Variants in ACSL3 observed in about 807,000 individuals in gnomAD.
The protein encoded by ACSL3 is fatty acid CoA ligase Acsl3.
Under a neutral mutation model 84.7 loss-of-function variants are expected in ACSL3, and 34 were observed. That is an observed-to-expected ratio of 0.40 (90% CI 0.31 to 0.53). The LOEUF is 0.53. Among genes scored for constraint, ACSL3 ranks in the 20% least tolerant of loss-of-function variants. The pLI, the probability that ACSL3 is intolerant of heterozygous loss-of-function variation, is 0.48. For synonymous variants in ACSL3, 315 were observed against 299.4 expected, an observed-to-expected ratio of 1.05 and a Z score of -0.54; for missense variants, 680 against 873.1, an observed-to-expected ratio of 0.78 and a Z score of 2.79.
intron 1 of ACSL3, among the ~76,000 whole-genome samples, chr2:222,880,074 C>G (rs1269785468): frequency 6.6e-6 from 1 of 152,078 alleles, no homozygotes; most frequent in Non-Finnish European, 1.5e-5. Flanking sequence ...ACCTGCTGAT[C>G]TGTGATGTCA....
intron 16 of ACSL3, among the ~76,000 whole-genome samples, chr2:222,935,560 A>T (rs1697150226): frequency 6.6e-6 from 1 of 152,128 alleles, no homozygotes; most frequent in African/African-American, 2.4e-5. Context: ...GATTCCACAC[A>T]GTCTTTTAAG....
chr2:222,886,760 T>C (rs1462936903), intron 1 of ACSL3, among the ~76,000 whole-genome samples: 1 of 152,226 alleles, frequency 6.6e-6, no homozygotes, highest in African/African-American at 2.4e-5. Flanking sequence ...TAATAGAGTT[T>C]ATTTTTTAGA....
In ACSL3 at chr2:222,934,512, A is replaced by T. The variant is rs755080420; in HGVS notation, c.1848-18A>T. ...TTCACCATTTTGTTCCTTATCTGTT[A>T]TCCTTTCTATATTTCAGTTATCATT... On this transcript the variant is annotated intron_variant, in intron 15 of 16. Transcript: ENST00000357430. The T allele has an allele frequency of 1.6e-5, 24 of 1,521,198 alleles. 1 individual carries two copies. In the South Asian group the frequency reaches 3.2e-4, roughly 20 times the overall value. 94.2% of individuals were successfully genotyped at this position (1,521,198 alleles called of 1,614,324 possible).
intron 5 of ACSL3, chr2:222,917,760 C>G (rs1014092997): frequency 3.4e-5 from 7 of 203,024 alleles, no homozygotes; most frequent in Admixed American, 5.9e-5. Flanking sequence ...GTTATAATTC[C>G]TTCACAATGT....
At chr2:222,867,123 A>G (rs1164604625) in intron 1 of ACSL3, among the ~76,000 whole-genome samples, 4 of 151,992 alleles carry the variant, frequency 2.6e-5, no homozygotes, top group African/African-American at 7.2e-5. Flanking sequence ...GTGAACCACC[A>G]TGCCCGGCCT....
chr2:222,937,546 A>G (rs914972324), intron 16 of ACSL3, among the ~76,000 whole-genome samples: 3 of 152,134 alleles, frequency 2.0e-5, no homozygotes, highest in Non-Finnish European at 4.4e-5. Flanking sequence ...TTTTATCATT[A>G]TATTGTAATT....
rs532032362 is a variant in ACSL3 at position 222,924,712 on chromosome 2, A to G, written c.1292+117A>G. ...AGAAAGAAATATATTTCATAAAGTC[A>G]AGAGAACTCTTTAAAAAAAATCCAT... is the stretch of plus-strand genomic sequence containing the variant. On this transcript the variant is annotated intron_variant, in intron 11 of 16. Transcript: ENST00000357430. The G allele has an allele frequency of 4.2e-6, 5 of 1,196,042 alleles. No homozygotes were observed. In the South Asian group the frequency reaches 6.7e-5, roughly 16 times the overall value. The allele number at this position is 1,196,042 out of a possible 1,614,324, so 74.1% of individuals were successfully genotyped here. A position where few individuals can be genotyped will look rare whatever the true frequency, so the allele number is the denominator to read the frequency against.
At chr2:222,877,088 C>A (rs966006169) in intron 1 of ACSL3, among the ~76,000 whole-genome samples, 1 of 152,020 alleles carries the variant, frequency 6.6e-6, no homozygotes, top group African/African-American at 2.4e-5. Context: ...GCTTGGGGAA[C>A]TGAAAGGGTG....
At chr2:222,925,941 A>C (rs1218576897) in intron 11 of ACSL3, among the ~76,000 whole-genome samples, 1 of 152,204 alleles carries the variant, frequency 6.6e-6, no homozygotes, top group African/African-American at 2.4e-5. Flanking sequence ...AGTATTTTTT[A>C]TGGTAATATT....
intron 7 of ACSL3, 106 bp downstream of exon 7, chr2:222,919,308 T>G: frequency 7.3e-7 from 1 of 1,368,990 alleles, no homozygotes; most frequent in Non-Finnish European, 9.9e-7. Flanking sequence ...ACACATCAGT[T>G]TTCTAACATC....
At chr2:222,898,305 T>C (rs191767847) in intron 2 of ACSL3, among the ~76,000 whole-genome samples, 7 of 152,330 alleles carry the variant, frequency 4.6e-5, no homozygotes, top group African/African-American at 1.7e-4. Flanking sequence ...CTGGATTTTG[T>C]AGGAAAATAA....
At chr2:222,923,288 G>C in intron 10 of ACSL3, 139 bp downstream of exon 10, 1 of 686,944 alleles carries the variant, frequency 1.5e-6, no homozygotes, top group Non-Finnish European at 2.4e-6. Flanking sequence ...TATTGCCTTA[G>C]GCGCTATGGG....
chr2:222,928,255 A>G (rs944238711), intron 12 of ACSL3, among the ~76,000 whole-genome samples: 13 of 152,214 alleles, frequency 8.5e-5, no homozygotes, highest in African/African-American at 3.1e-4. Flanking sequence ...TTAATTTTAA[A>G]TAGGGTGTGA....
chr2:222,875,696 G>C (rs1349303565), intron 1 of ACSL3, among the ~76,000 whole-genome samples: 1 of 152,122 alleles, frequency 6.6e-6, no homozygotes, highest in African/African-American at 2.4e-5. Flanking sequence ...AACCTAGATG[G>C]CCTTACTGAT....
At chr2:222,877,521 T>C (rs1407437549) in intron 1 of ACSL3, among the ~76,000 whole-genome samples, 2 of 152,212 alleles carry the variant, frequency 1.3e-5, no homozygotes, top group Non-Finnish European at 2.9e-5. Flanking sequence ...TTGTTGTTTT[T>C]ATTAGATACT....
chr2:222,935,764 CTTTTA>C (rs1313912367), intron 16 of ACSL3, among the ~76,000 whole-genome samples: 2 of 152,046 alleles, frequency 1.3e-5, no homozygotes, highest in African/African-American at 4.8e-5. Context: ...ATATTTCTTT[CTTTTA>C]TTGTAGTAAA....
chr2:222,924,882 G>A (rs924473522), intron 11 of ACSL3, among the ~76,000 whole-genome samples: 27 of 151,886 alleles, frequency 1.8e-4, no homozygotes, highest in African/African-American at 6.0e-4. Context: ...AGAAATTAGC[G>A]GGGCTTGGTG....
At position 222,934,555 on chromosome 2, in the gene ACSL3, G is replaced by A; in HGVS notation, c.1873G>A (p.Val625Ile). 6.3e-7 allele frequency: 1 copy of A among 1,581,372 alleles called. No homozygotes were observed. Among genetic ancestry groups the A allele is most frequent in the Non-Finnish European group, 8.6e-7 (1 of 1,163,674 alleles). The part of the protein sequence containing the change: ...NSYHSYVIGF[V>I]VPNQKELTEL... ...TTATCATTCTTATGTCATTGGATTT[G>A]TTGTGCCAAATCAAAAGGAACTAAC... is the stretch of plus-strand genomic sequence containing the variant. Residue 625 changes from valine to isoleucine, a missense_variant, in exon 16 of 17, where the codon GTT becomes ATT. By Grantham distance (29) the Val-to-Ile change is conservative. Transcript: ENST00000357430.
chr2:222,869,762 G>A (rs562801148), intron 1 of ACSL3, among the ~76,000 whole-genome samples: 1 of 152,154 alleles, frequency 6.6e-6, no homozygotes, highest in African/African-American at 2.4e-5. Context: ...TGGAAGATTG[G>A]CAAATAAAAC....
Sources: allele counts gnomAD v4.1 joint callset (sites outside exome capture counted in the v4.1 genomes callset), GRCh38; gene constraint gnomAD v4.1.1; transcripts MANE v1.5; gene names NCBI Gene and HGNC (gene_info 2026-07-23, HGNC 2026-07-21).